Variants in CYP11B2 observed in about 807,000 individuals in gnomAD.
CYP11B2 encodes the protein cytochrome P450 11B2, mitochondrial.
CYP11B2 carries 38 observed loss-of-function variants against 49.3 expected under a neutral mutation model. The observed-to-expected ratio is 0.77, with a 90% CI of 0.59 to 1.01. The LOEUF is 1.01. CYP11B2 is among the 50% of genes least tolerant of loss of function. The pLI is 0.00. For missense variants in CYP11B2, 669 were observed against 655.5 expected, an observed-to-expected ratio of 1.02 and a Z score of -0.23; for synonymous variants, 290 against 269.3, an observed-to-expected ratio of 1.08 and a Z score of -0.75.
chr8:142,912,537 A>T lies in CYP11B2; in HGVS notation c.1391T>A (p.Leu464Gln), dbSNP rs1274879797. 6.3e-7 allele frequency: 1 copy of T among 1,598,324 alleles called. No homozygotes were observed. The highest frequency in any genetic ancestry group is 1.4e-5 in the African/African-American group (1 of 73,974). Residue 464 changes from leucine to glutamine, a missense_variant, in exon 8 of 9, where the codon CTG becomes CAG. Coordinates refer to ENST00000323110, the MANE Select transcript of CYP11B2 (RefSeq NM_000498.3). ...GCCCCCAGGCCTGCTTACGTGGTGC[A>T]GCAGCAGCAGCATCTCTGCCTCTGC... Reference protein sequence around the residue: ...RLAEAEMLLLLHHVLKHFLVE... With the variant: ...RLAEAEMLLLQHHVLKHFLVE...
In CYP11B2 at chr8:142,914,271, A is replaced by C; in HGVS notation, c.947T>G (p.Val316Gly). ...GCTGGTTGCTGGCCTGACCGTGTCCACGCTCCCTGCAGTGAGTTCCATAGA... is the reference window on the plus strand; with the variant it reads ...GCTGGTTGCTGGCCTGACCGTGTCCCCGCTCCCTGCAGTGAGTTCCATAGA... ...ANSMELTAGS[V>G]DTTAFPLLMT... Residue 316 changes from valine (V) to glycine (G), a missense_variant, in exon 5 of 9, where the codon GTG becomes GGG. Coordinates refer to ENST00000323110, the MANE Select transcript of CYP11B2 (RefSeq NM_000498.3). The C allele has an allele frequency of 6.2e-7, 1 of 1,614,090 alleles. No individual in the cohort carries two copies. Among genetic ancestry groups the C allele is most frequent in the South Asian group, 1.1e-5 (1 of 91,078 alleles).
chr8:142,914,749 A>C lies in CYP11B2; in HGVS notation c.755T>G (p.Val252Gly), dbSNP rs1316311272. The change falls in exon 4 of 9, where the codon GTG becomes GGG. Residue 252 changes from valine (V) to glycine (G), a missense_variant. By Grantham distance (109) the Val-to-Gly change is moderately radical (BLOSUM62 -3). Coordinates refer to ENST00000323110, the MANE Select transcript of CYP11B2 (RefSeq NM_000498.3). ...CCAGGCCTCAAAGTGCTCCTTCCAC[A>C]CCTTGGGGCTGATCCAGCGAGACAG... The part of the protein sequence containing the change: ...RSLSRWISPK[V>G]WKEHFEAWDC... 1 of 1,613,080 alleles carries C rather than the reference A, an allele frequency of 6.2e-7. No individual in the cohort carries two copies.
intron 2 of CYP11B2, among the ~76,000 whole-genome samples, chr8:142,915,499 G>T (rs1398421966): frequency 6.8e-6 from 1 of 147,796 alleles, no homozygotes; most frequent in Non-Finnish European, 1.5e-5. Flanking sequence ...GGTAACTGAG[G>T]TCATTCCCGG....
In CYP11B2 at chr8:142,914,850, A is replaced by C. The variant is rs2130330079; in HGVS notation, c.654T>G (p.Ser218=). Residue 218 remains serine, a synonymous_variant, in exon 4 of 9, where the codon TCT becomes TCG. Transcript: ENST00000323110. Reference sequence around the variant, plus strand: ...GGGCATGGAGGAAGTTCAGGCTGGCAGAACTGGGGCTGTGGCCAACCAGGC... The same window carrying C: ...GGGCATGGAGGAAGTTCAGGCTGGCCGAACTGGGGCTGTGGCCAACCAGGC... ...RLGLVGHSPS[S]ASLNFLHALE... 1 of 1,613,792 alleles carries C rather than the reference A, an allele frequency of 6.2e-7. No homozygotes were observed. The highest frequency in any genetic ancestry group is 1.1e-5 in the South Asian group (1 of 91,044).
In CYP11B2 at chr8:142,912,596, G is replaced by A. The variant is rs759095804; in HGVS notation, c.1332C>T (p.Gly444=). ...SGRNFHHVPF[G]FGMRQCLGRR... is the part of the protein sequence containing the mutation. ...GCCCGAGGCACTGGCGCATGCCAAA[G>A]CCAAAGGGCACGTGGTGGAAGTTCC... is the stretch of plus-strand genomic sequence containing the variant. The change falls in exon 8 of 9, where the codon GGC becomes GGT. Residue 444 remains glycine (G), a synonymous_variant. Transcript: ENST00000323110. 4.3e-6 allele frequency: 7 copies of A among 1,614,098 alleles called. No individual in the cohort carries two copies. In the South Asian group the frequency reaches 7.7e-5, roughly 18 times the overall value.
At position 142,912,052 on chromosome 8, in the gene CYP11B2, G is replaced by A; in HGVS notation, c.1440C>T (p.Asp480=). 3 of 1,614,092 alleles carry A rather than the reference G, an allele frequency of 1.9e-6. No homozygotes were observed. Among genetic ancestry groups the A allele is most frequent in the Non-Finnish European group, 2.5e-6 (3 of 1,179,984 alleles). ...HFLVETLTQE[D]IKMVYSFILR... is the part of the protein sequence containing the mutation. The stretch of plus-strand genomic sequence containing the variant: ...ATATGAAGCTGTAGACCATCTTTAT[G>A]TCCTCTTGAGTTAGTGTCTCCACCA... The change falls in exon 9 of 9, where the codon GAC becomes GAT. Residue 480 remains aspartate, a synonymous_variant. Transcript: ENST00000323110.
rs752975169 is a variant in CYP11B2 at position 142,912,857 on chromosome 8, G to T, written c.1150C>A (p.Arg384=). 2.5e-6 allele frequency: 4 copies of T among 1,613,496 alleles called. No homozygotes were observed. Among genetic ancestry groups the T allele is most frequent in the African/African-American group, 2.7e-5 (2 of 74,804 alleles). ...AGCACCAAGTCTGAGCTCACCACTC[G>T]CTCCAAAAACAGACCCACAGGGTAG... ...RLYPVGLFLE[R]VVSSDLVLQN... is the part of the protein sequence containing the mutation. Residue 384 remains arginine (R), a synonymous_variant, in exon 7 of 9, where the codon CGA becomes AGA. Transcript: ENST00000323110.
rs746586684 is a variant in CYP11B2 at position 142,913,309 on chromosome 8, C to T, written c.1097G>A (p.Arg366Gln). The change falls in exon 6 of 9, where the codon CGG (arginine) becomes CAG (glutamine). Residue 366 changes from arginine (R) to glutamine (Q), a missense_variant. Transcript: ENST00000323110. The part of the protein sequence containing the change: ...QKATTELPLL[R>Q]AALKETLRLY... ...CCGCAAGGTCTCCTTGAGGGCCGCCCGCAGCAAGGGCAGCTCGGTGGTTGC... is the reference window on the plus strand; with the variant it reads ...CCGCAAGGTCTCCTTGAGGGCCGCCTGCAGCAAGGGCAGCTCGGTGGTTGC... 27 of 1,613,820 alleles carry T rather than the reference C, an allele frequency of 1.7e-5. No homozygotes were observed. Among genetic ancestry groups the T allele is most frequent in the Admixed American group, 3.3e-5 (2 of 60,010 alleles).
chr8:142,915,446 A>G (rs2130331572), intron 2 of CYP11B2, among the ~76,000 whole-genome samples: 1 of 151,422 alleles, frequency 6.6e-6, no homozygotes, highest in African/African-American at 2.4e-5. Context: ...ACTCAGGTCT[A>G]AGCAGGGATG....
chr8:142,912,964 A>G, intron 6 of CYP11B2, 79 bp from the exon 7 acceptor site: 4 of 1,472,310 alleles, frequency 2.7e-6, no homozygotes, highest in Non-Finnish European at 3.7e-6. Flanking sequence ...CCTACCGAAG[A>G]CCCCGCAGAG....
intron 8 of CYP11B2, 99 bp from the exon 9 acceptor site, chr8:142,912,192 G>A (rs1354448199): frequency 1.5e-5 from 23 of 1,572,690 alleles, no homozygotes; most frequent in Non-Finnish European, 1.9e-5. Context: ...ATGCTGAAGG[G>A]GGAGCAGCAG....
chr8:142,912,177 C>T (rs1223130606), intron 8 of CYP11B2, 84 bp from the exon 9 acceptor site: 3 of 1,597,278 alleles, frequency 1.9e-6, no homozygotes, highest in Non-Finnish European at 2.6e-6. Flanking sequence ...CCAGGTGCAA[C>T]AATTATGCTG....
At chr8:142,912,499 A>AGGGGGG in intron 8 of CYP11B2, 31 bp downstream of exon 8, 1 of 1,211,364 alleles carries the variant, frequency 8.3e-7, no homozygotes, top group South Asian at 1.2e-5. Flanking sequence ...TCTGCTGCCC[A>AGGGGGG]GGTCCCGCCC....
At chr8:142,917,336 C>A (rs927128874) in intron 1 of CYP11B2, 122 bp from the exon 2 acceptor site, 21 of 1,408,776 alleles carry the variant, frequency 1.5e-5, no homozygotes, top group Admixed American at 5.1e-5. Flanking sequence ...GGCTTCACAG[C>A]TAAAGCCCTC....
rs1401931554 is a variant in CYP11B2, at chr8:142,912,017, C to T, written c.1475G>A (p.Gly492Asp). 5 of 1,613,894 alleles carry T rather than the reference C, an allele frequency of 3.1e-6. No individual in the cohort carries two copies. The African/African-American group carries it at 6.7e-5, about 22-fold the overall frequency. Residue 492 changes from glycine to aspartate, a missense_variant, in exon 9 of 9, where the codon GGC (glycine) becomes GAC (aspartate). Transcript: ENST00000323110. ...KMVYSFILRP[G>D]TSPLLTFRAI... ...TCTGAAAGTGAGGAGGGGGGACGTGCCAGGCCTCAATATGAAGCTGTAGAC... is the reference window on the plus strand; with the variant it reads ...TCTGAAAGTGAGGAGGGGGGACGTGTCAGGCCTCAATATGAAGCTGTAGAC...
chr8:142,915,595 G>C (rs13257267), intron 2 of CYP11B2, among the ~76,000 whole-genome samples: 1 of 127,638 alleles, frequency 7.8e-6, no homozygotes, highest in Non-Finnish European at 1.9e-5. Flanking sequence ...AAGAAAGGAG[G>C]TGACCCCTGT....
In CYP11B2 at chr8:142,911,899, C is replaced by T. The variant is rs3097; in HGVS notation, c.*81G>A. ...GAGGGGTGACTCAGGAAGCTGTGCA[C>T]GTGGGAGAGAAGACAGGTGGCCTGG... On this transcript the variant is annotated 3_prime_UTR_variant, in exon 9 of 9. Coordinates refer to ENST00000323110, the MANE Select transcript of CYP11B2 (RefSeq NM_000498.3). 0.26 allele frequency: 419,432 copies of T among 1,599,268 alleles called. 59,115 individuals carry two copies. The highest frequency in any genetic ancestry group is 0.3 in the Non-Finnish European group (347,093 of 1,171,354).
rs397839872 is a variant in CYP11B2, at chr8:142,911,246, T to C, written c.*734A>G. ...TCCTGACAGCATCCTCGGGACCTTC[T>C]CCAGGGGACAGCTCAGGAAGCAGAG... On this transcript the variant is annotated 3_prime_UTR_variant, in exon 9 of 9. Transcript: ENST00000323110. 3 of 152,124 alleles carry C rather than the reference T, an allele frequency of 2.0e-5. No homozygotes were observed. Among genetic ancestry groups the C allele is most frequent in the African/African-American group, 4.8e-5 (2 of 41,356 alleles). 9.4% of individuals were successfully genotyped at this position (152,124 alleles called of 1,614,324 possible). A position where few individuals can be genotyped will look rare whatever the true frequency, so the allele number is the denominator to read the frequency against.
chr8:142,916,568 C>T (rs1305189449), intron 2 of CYP11B2: 1 of 380,776 alleles, frequency 2.6e-6, no homozygotes, highest in African/African-American at 2.1e-5. Context: ...TGCGTCCCCA[C>T]CTGCCTCCTG....
Sources: allele counts gnomAD v4.1 joint callset (sites outside exome capture counted in the v4.1 genomes callset), GRCh38; gene constraint gnomAD v4.1.1; transcripts MANE v1.5; gene names NCBI Gene and HGNC (gene_info 2026-07-23, HGNC 2026-07-21).